KCNK3: variants seen among roughly 807,000 people sequenced by gnomAD.
KCNK3 encodes potassium two pore domain channel subfamily K member 3.
In KCNK3, 9 loss-of-function variants were observed where a neutral mutation model predicts 27.3. The observed-to-expected ratio is 0.33, with a 90% CI of 0.20 to 0.57. KCNK3 has a LOEUF of 0.57. Ranked by LOEUF, KCNK3 falls within the 20% of genes least tolerant of loss-of-function variation. KCNK3 has a pLI of 0.87. For synonymous variants in KCNK3, 278 were observed against 273.8 expected (o/e 1.02, Z -0.15); for missense variants, 391 against 577.7 (o/e 0.68, Z 3.31).
chr2:26,710,374 C>T (rs761628467), intron 1 of KCNK3, among the ~76,000 whole-genome samples: 1 of 152,130 alleles, frequency 6.6e-6, no homozygotes, highest in African/African-American at 2.4e-5. Flanking sequence ...TCAAGAAGGG[C>T]CTCGGTGCTT....
intron 1 of KCNK3, among the ~76,000 whole-genome samples, chr2:26,720,096 C>G (rs1447128633): frequency 6.6e-6 from 1 of 152,154 alleles, no homozygotes; most frequent in Non-Finnish European, 1.5e-5. Context: ...AACCCCGTCT[C>G]TACTAAAAAT....
chr2:26,711,679 C>T (rs753257619), intron 1 of KCNK3, among the ~76,000 whole-genome samples: 2 of 152,176 alleles, frequency 1.3e-5, no homozygotes, highest in African/African-American at 2.4e-5. Flanking sequence ...CCAATAGGGT[C>T]GTTTGAAGAT....
At chr2:26,695,973 GGGC>G (rs1385813841) in intron 1 of KCNK3, among the ~76,000 whole-genome samples, 3 of 152,192 alleles carry the variant, frequency 2.0e-5, no homozygotes, top group African/African-American at 7.2e-5. Context: ...CTGTCCACAG[GGGC>G]TCTGCTCTAA....
chr2:26,728,142 C>T lies in KCNK3; in HGVS notation c.759C>T (p.Asp253=), dbSNP rs758405997. 12 of 1,592,586 alleles carry T rather than the reference C, an allele frequency of 7.5e-6. No homozygotes were observed. In the Admixed American group the frequency reaches 1.6e-4, roughly 21 times the overall value. ...GCTTCATGACCATGAACGCCGAGGA[C>T]GAGAAGCGCGACGCCGAGCACCGCG... The part of the protein sequence containing the change: ...VLRFMTMNAE[D]EKRDAEHRAL... The change falls in exon 2 of 2, where the codon GAC becomes GAT. Residue 253 remains aspartate, a synonymous_variant. Transcript: ENST00000302909.
intron 1 of KCNK3, 25 bp from the exon 2 acceptor site, chr2:26,727,642 T>A (rs1250096671): frequency 6.6e-7 from 1 of 1,511,164 alleles, no homozygotes; most frequent in Non-Finnish European, 8.8e-7. Flanking sequence ...GTGTGCTTTT[T>A]CTCCTCTTTC....
chr2:26,692,843 C>A lies in KCNK3; in HGVS notation c.-33C>A. 2.6e-6 allele frequency: 3 copies of A among 1,172,580 alleles called. No homozygotes were observed. Among genetic ancestry groups the A allele is most frequent in the Non-Finnish European group, 2.1e-6 (2 of 948,198 alleles). The allele number at this position is 1,172,580 out of a possible 1,614,324, so 72.6% of individuals were successfully genotyped here. A position where few individuals can be genotyped will look rare whatever the true frequency, so the allele number is the denominator to read the frequency against. ...CCGGGGCCGAGGCGCGGGCCGGGGG[C>A]GCCGGGGGGCCGGCGGCGGCCCGGG... On this transcript the variant is annotated 5_prime_UTR_variant, in exon 1 of 2. Transcript: ENST00000302909. This position sits in a 1 kb window ranked among gnomAD's most constrained non-coding sequence, Gnocchi z 5.6.
intron 1 of KCNK3, among the ~76,000 whole-genome samples, chr2:26,711,943 G>C (rs551664841): frequency 1.6e-4 from 24 of 152,234 alleles, no homozygotes; most frequent in African/African-American, 5.5e-4. Flanking sequence ...CTGGGTCCTC[G>C]GGAGGCTGCC....
At chr2:26,723,166 C>G (rs1326669051) in intron 1 of KCNK3, among the ~76,000 whole-genome samples, 1 of 152,202 alleles carries the variant, frequency 6.6e-6, no homozygotes, top group Non-Finnish European at 1.5e-5. Flanking sequence ...AAGGCCATGA[C>G]CAAGGGCTCA....
intron 1 of KCNK3, among the ~76,000 whole-genome samples, chr2:26,712,706 C>T (rs1018803866): frequency 1.3e-4 from 20 of 148,942 alleles, no homozygotes; most frequent in African/African-American, 4.4e-4. Context: ...TGTAGGAGTG[C>T]GCACACACAT....
At chr2:26,714,425 T>C (rs1289936453) in intron 1 of KCNK3, among the ~76,000 whole-genome samples, 1 of 346 alleles carries the variant, frequency 2.9e-3, no homozygotes, top group Non-Finnish European at 0.01. Context: ...GGCCCTGCAC[T>C]GCTCACTATG....
intron 1 of KCNK3, among the ~76,000 whole-genome samples, chr2:26,720,029 G>A (rs964035790): frequency 9.2e-5 from 14 of 152,174 alleles, no homozygotes; most frequent in East Asian, 3.9e-4. Context: ...TTGGGAGGCC[G>A]AGGCAGGTGG....
intron 1 of KCNK3, among the ~76,000 whole-genome samples, chr2:26,716,887 A>C (rs1338875861): frequency 6.6e-6 from 1 of 152,248 alleles, no homozygotes; most frequent in Non-Finnish European, 1.5e-5. Flanking sequence ...AACACCCTGC[A>C]GTAGGCTTAG....
rs1456736376 is a variant in KCNK3, at chr2:26,732,056, T to A, written c.*3488T>A. 1 of 152,108 alleles carries A rather than the reference T, an allele frequency of 6.6e-6. No homozygotes were observed. Among genetic ancestry groups the A allele is most frequent in the Non-Finnish European group, 1.5e-5 (1 of 68,058 alleles). 9.4% of individuals were successfully genotyped at this position (152,108 alleles called of 1,614,324 possible). On this transcript the variant is annotated 3_prime_UTR_variant, in exon 2 of 2. Transcript: ENST00000302909. The stretch of plus-strand genomic sequence containing the variant: ...ACAAGCACCTTTCTTTGGGGTAGAT[T>A]TTTCTCTGGGTCTAGAGGGACAGCT...
intron 1 of KCNK3, among the ~76,000 whole-genome samples, chr2:26,709,495 T>C (rs749861216): frequency 9.2e-5 from 14 of 152,128 alleles, no homozygotes; most frequent in Non-Finnish European, 1.3e-4. Context: ...AGCTGGCCAC[T>C]GCTTAGAGGT....
intron 1 of KCNK3, among the ~76,000 whole-genome samples, chr2:26,694,850 C>T (rs931114556): frequency 2.6e-5 from 4 of 152,136 alleles, no homozygotes; most frequent in African/African-American, 9.7e-5. Context: ...ACACGTCAAG[C>T]CTTCACGCGT....
Position 26,733,410 on chromosome 2 carries a change from CT to C in KCNK3, c.*4844del, listed in dbSNP as rs1663575289. On this transcript the variant is annotated 3_prime_UTR_variant, in exon 2 of 2. Transcript: ENST00000302909. ...TAGCTTAATAAAGGTTATGAAAAGT[CT>C]TGCAGCAAAGATGCTGTTTACCCCT... The C allele has an allele frequency of 6.6e-6, 1 of 152,178 alleles. No homozygotes were observed. Among genetic ancestry groups the C allele is most frequent in the Admixed American group, 6.5e-5 (1 of 15,276 alleles). The allele number at this position is 152,178 out of a possible 1,614,324, so 9.4% of individuals were successfully genotyped here. A position where few individuals can be genotyped will look rare whatever the true frequency, so the allele number is the denominator to read the frequency against.
At chr2:26,713,110 GA>G (rs1158466584) in intron 1 of KCNK3, among the ~76,000 whole-genome samples, 1 of 152,186 alleles carries the variant, frequency 6.6e-6, no homozygotes, top group African/African-American at 2.4e-5. Context: ...GCCAGTAGGA[GA>G]GGGGCCATCT....
intron 1 of KCNK3, among the ~76,000 whole-genome samples, chr2:26,719,213 C>T (rs1663283958): frequency 6.6e-6 from 1 of 152,120 alleles, no homozygotes; most frequent in African/African-American, 2.4e-5. Flanking sequence ...CTAGAAGTGC[C>T]ACTGCAGGGC....
intron 1 of KCNK3, among the ~76,000 whole-genome samples, chr2:26,711,873 G>GT (rs1248572126): frequency 1.3e-5 from 2 of 152,108 alleles, no homozygotes; most frequent in African/African-American, 4.8e-5. Context: ...GGGCTGGGGG[G>GT]AGGGAGCAGG....
Sources: allele counts gnomAD v4.1 joint callset (sites outside exome capture counted in the v4.1 genomes callset), GRCh38; gene constraint gnomAD v4.1.1; non-coding constraint Gnocchi (gnomAD v3.1); transcripts MANE v1.5; gene names NCBI Gene and HGNC (gene_info 2026-07-23, HGNC 2026-07-21).